MTF1: variants seen among roughly 807,000 people sequenced by gnomAD.
MTF1 encodes the protein MRE-binding transcription factor.
In MTF1, 22 loss-of-function variants were observed where a neutral mutation model predicts 70.4. The observed-to-expected ratio is 0.31, with a 90% CI of 0.22 to 0.45. MTF1 has a LOEUF of 0.45. MTF1 is among the 20% of genes least tolerant of loss of function. The pLI is 1.00. For missense variants in MTF1, 649 were observed against 922.0 expected (o/e 0.70, Z 3.83); for synonymous variants, 333 against 352.8 (o/e 0.94, Z 0.63).
chr1:37,857,733 TAG>T, intron 1 of MTF1, 24 bp from the exon 2 acceptor site: 1 of 1,483,778 alleles, frequency 6.7e-7, no homozygotes, highest in Admixed American at 1.8e-5. Flanking sequence ...AAGCCAGAGT[TAG>T]AGTCATACCA....
chr1:37,842,890 T>C lies in MTF1; in HGVS notation c.409-2732A>G, dbSNP rs77880307. Among the ~76,000 whole-genome samples, 506 of 152,232 alleles carry C rather than the reference T, an allele frequency of 3.3e-3. 24 individuals carry two copies. In the East Asian group the frequency reaches 0.077, roughly 23 times the overall value. ...AGCAGCTAGGAATTCACTAATGACTTAGCAAGACTAGTTTCAGCGGACTAC... is the reference window on the plus strand; with the variant it reads ...AGCAGCTAGGAATTCACTAATGACTCAGCAAGACTAGTTTCAGCGGACTAC... On this transcript the variant is annotated intron_variant, in intron 2 of 10. Transcript: ENST00000373036.
At chr1:37,857,114 G>A in intron 2 of MTF1, 137 bp downstream of exon 2, 1 of 754,994 alleles carries the variant, frequency 1.3e-6, no homozygotes, top group Non-Finnish European at 2.1e-6. Context: ...AAAACCTGAG[G>A]CATATGTTGT....
intron 7 of MTF1, among the ~76,000 whole-genome samples, chr1:37,828,813 T>C (rs1459713697): frequency 1.3e-5 from 2 of 152,148 alleles, no homozygotes; most frequent in East Asian, 3.9e-4. Context: ...TAGGAACAAC[T>C]TTCACAAGTA....
At position 37,832,231 on chromosome 1, in the gene MTF1, A is replaced by T; in HGVS notation, c.1068+14T>A. 1 of 1,576,628 alleles carries T rather than the reference A, an allele frequency of 6.3e-7. No individual in the cohort carries two copies. The highest frequency in any genetic ancestry group is 8.7e-7 in the Non-Finnish European group (1 of 1,147,052). On this transcript the variant is annotated intron_variant, in intron 7 of 10. Transcript: ENST00000373036. ...CCCTTATTTTTCTAGCACTGGTATT[A>T]CAGGTACACTTACCGTACTGGAATT...
intron 2 of MTF1, among the ~76,000 whole-genome samples, chr1:37,852,512 A>G (rs1055507378): frequency 1.3e-5 from 2 of 152,046 alleles, no homozygotes; most frequent in African/African-American, 2.4e-5. Flanking sequence ...ACCACAACGG[A>G]CTCTTAACTG....
rs71053997 is a variant in MTF1, at chr1:37,858,015, T to TAAA, written c.-51-309_-51-307dup. On this transcript the variant is annotated intron_variant, in intron 1 of 10. Transcript: ENST00000373036. ...AACATAGTGAGACCCCCATCTCTAA[T>TAAA]AAAAAAAAAAAAAAAAGAAAAAGAA... is the stretch of plus-strand genomic sequence containing the variant. Among the ~76,000 whole-genome samples, 233 of 124,030 alleles carry TAAA rather than the reference T, an allele frequency of 1.9e-3. 1 individual carries two copies. The highest frequency in any genetic ancestry group is 2.8e-3 in the Non-Finnish European group (173 of 60,992). The allele number at this position is 124,030 out of a possible 152,430, so 81.4% of individuals were successfully genotyped here.
At chr1:37,816,232 C>A (rs1172568257) in intron 10 of MTF1, among the ~76,000 whole-genome samples, 4 of 152,188 alleles carry the variant, frequency 2.6e-5, no homozygotes, top group African/African-American at 9.7e-5. Flanking sequence ...CTTGACAGAG[C>A]TAAAGACCAA....
intron 9 of MTF1, among the ~76,000 whole-genome samples, 190 bp from the exon 10 acceptor site, chr1:37,817,672 T>A (rs1451961412): frequency 6.6e-6 from 1 of 152,254 alleles, no homozygotes; most frequent in Non-Finnish European, 1.5e-5. Flanking sequence ...CATTCAGTGC[T>A]GACAACGTAG....
chr1:37,815,538 A>C lies in MTF1; in HGVS notation c.1860T>G (p.Ser620Arg), dbSNP rs1194002817. The change falls in exon 11 of 11, where the codon AGT becomes AGG. Residue 620 changes from serine (S) to arginine (R), a missense_variant. By Grantham distance (110) the Ser-to-Arg change is moderately radical. This residue lies in a region of MTF1 where 39 missense variants were observed against 97.8 expected (regional missense o/e 0.40). Transcript: ENST00000373036. This position sits in a 1 kb window ranked among gnomAD's most constrained non-coding sequence, Gnocchi z 4.5. ...PGSSVQQIGLSVPVIIIKQEE... is the reference protein window; with the variant it reads ...PGSSVQQIGLRVPVIIIKQEE... ...CTTGTTTGATGATGATCACAGGAAC[A>C]CTGAGGCCAATCTGCTGGACAGAGC... The C allele has an allele frequency of 6.5e-7, 1 of 1,536,582 alleles. No individual in the cohort carries two copies. The highest frequency in any genetic ancestry group is 1.4e-5 in the African/African-American group (1 of 72,306).
At chr1:37,842,680 T>G (rs1415030028) in intron 2 of MTF1, among the ~76,000 whole-genome samples, 1 of 152,236 alleles carries the variant, frequency 6.6e-6, no homozygotes, top group East Asian at 1.9e-4. Flanking sequence ...AGCACTAGAC[T>G]TGGCAGCAGA....
At chr1:37,826,130 T>C (rs2148404916) in intron 7 of MTF1, among the ~76,000 whole-genome samples, 1 of 152,288 alleles carries the variant, frequency 6.6e-6, no homozygotes, top group African/African-American at 2.4e-5. Flanking sequence ...AACATACGTT[T>C]TAAGGTCATT....
At chr1:37,839,487 C>T (rs1042423541) in intron 3 of MTF1, among the ~76,000 whole-genome samples, 3 of 152,132 alleles carry the variant, frequency 2.0e-5, no homozygotes, top group Non-Finnish European at 1.5e-5. Flanking sequence ...CTGATACAAA[C>T]GTGAAAAAGA....
At chr1:37,858,114 C>T (rs528091307) in intron 1 of MTF1, among the ~76,000 whole-genome samples, 2 of 151,814 alleles carry the variant, frequency 1.3e-5, no homozygotes, top group South Asian at 4.2e-4. Context: ...CAATTTGAAA[C>T]TTGGTCAAAA....
chr1:37,857,118 A>T, intron 2 of MTF1, 133 bp downstream of exon 2: 1 of 798,014 alleles, frequency 1.3e-6, no homozygotes, highest in Non-Finnish European at 2.0e-6. Context: ...CCTGAGGCAT[A>T]TGTTGTTGAT....
At chr1:37,838,797 C>CTTTTTTTTTTGTTTTT in intron 3 of MTF1, 41 bp from the exon 4 acceptor site, 1 of 473,688 alleles carries the variant, frequency 2.1e-6, no homozygotes, top group Non-Finnish European at 2.9e-6. Flanking sequence ...TCATAAAATT[C>CTTTTTTTTTTGTTTTT]TTTTTTTTTT....
chr1:37,831,421 A>G (rs1641084685), intron 7 of MTF1, among the ~76,000 whole-genome samples: 1 of 152,192 alleles, frequency 6.6e-6, no homozygotes, highest in Non-Finnish European at 1.5e-5. Context: ...CTGTTCAAAT[A>G]CTTCCCATCA....
At chr1:37,853,375 A>G (rs1641445045) in intron 2 of MTF1, among the ~76,000 whole-genome samples, 2 of 152,236 alleles carry the variant, frequency 1.3e-5, no homozygotes. Context: ...CACTACAGCC[A>G]GTGAACCAAA....
At chr1:37,842,432 G>A (rs1160278110) in intron 2 of MTF1, among the ~76,000 whole-genome samples, 4 of 152,198 alleles carry the variant, frequency 2.6e-5, no homozygotes, top group Admixed American at 6.5e-5. Flanking sequence ...TTAACTTCCC[G>A]GTAGTCAGAC....
chr1:37,859,197 G>C (rs61778084), intron 1 of MTF1, among the ~76,000 whole-genome samples: 14,665 of 152,312 alleles, frequency 0.096, 873 homozygotes, highest in Middle Eastern at 0.24. Flanking sequence ...AGACCAGGAG[G>C]TTTGAGGGTA....
Sources: gnomAD v4.1 joint callset for allele counts (sites outside exome capture counted in the v4.1 genomes callset) on GRCh38, gnomAD v4.1.1 for gene constraint, gnomAD v4.1.1 regional missense constraint, Gnocchi (gnomAD v3.1) non-coding constraint, MANE v1.5 for transcripts, NCBI Gene and HGNC (gene_info 2026-07-23, HGNC 2026-07-21) for gene names.